The following CACNA1C variants were observed in gnomAD, a reference collection of about 807,000 sequenced individuals.
The protein encoded by CACNA1C is calcium voltage-gated channel subunit alpha1 C, also known as voltage-dependent L-type calcium channel subunit alpha-1C.
In CACNA1C, 30 loss-of-function variants were observed where a neutral mutation model predicts 229.0. The observed-to-expected ratio is 0.13, with a 90% CI of 0.10 to 0.18. The LOEUF (loss-of-function observed/expected upper bound fraction) is 0.18, where lower values mean the gene tolerates loss of function less well. Ranked by LOEUF, CACNA1C falls within the 10% of genes least tolerant of loss-of-function variation. CACNA1C has a pLI of 1.00. For synonymous variants in CACNA1C, 1,114 were observed against 1,132.5 expected (o/e 0.98, Z 0.33); for missense variants, 1,658 against 2,845.0 (o/e 0.58, Z 9.49).
At chr12:2,190,972 T>C (rs1277651264) in intron 3 of CACNA1C, among the ~76,000 whole-genome samples, 1 of 152,192 alleles carries the variant, frequency 6.6e-6, no homozygotes, top group Admixed American at 6.5e-5. Context: ...AGTCATTTCC[T>C]GCAAGTCCCA....
chr12:2,120,692 G>GTGTGTGTGTGTGTGTGTGT (rs764879260), intron 3 of CACNA1C, among the ~76,000 whole-genome samples: 2 of 150,538 alleles, frequency 1.3e-5, no homozygotes, highest in South Asian at 2.1e-4. Flanking sequence ...GTGTGTGTGT[G>GTGTGTGTGTGTGTGTGTGT]TGTGTTTAGT....
At position 2,275,962 on chromosome 12, in the gene CACNA1C, C is replaced by T. The variant is rs1326177737; in HGVS notation, c.477+155532C>T. On this transcript the variant is annotated intron_variant, in intron 3 of 46. Coordinates refer to ENST00000399655, the MANE Select transcript of CACNA1C (RefSeq NM_000719.7). This position sits in a 1 kb window ranked among gnomAD's most constrained non-coding sequence, Gnocchi z 4.1. ...CTGATTCCTGGACCCCTCTCAGATACAAAACCCAAGGATGCCCATGTCCTT... is the reference window on the plus strand; with the variant it reads ...CTGATTCCTGGACCCCTCTCAGATATAAAACCCAAGGATGCCCATGTCCTT... Among the ~76,000 whole-genome samples the T allele has an allele frequency of 1.3e-5, 2 of 152,214 alleles. No individual in the cohort carries two copies. Among genetic ancestry groups the T allele is most frequent in the African/African-American group, 4.8e-5 (2 of 41,460 alleles).
At chr12:2,529,697 C>T (rs1254078196) in intron 9 of CACNA1C, among the ~76,000 whole-genome samples, 1 of 152,236 alleles carries the variant, frequency 6.6e-6, no homozygotes, top group African/African-American at 2.4e-5. Flanking sequence ...CCTTGCCTGT[C>T]AACATTTCTT....
chr12:2,640,396 T>C (rs2093523487), intron 30 of CACNA1C, among the ~76,000 whole-genome samples: 1 of 152,184 alleles, frequency 6.6e-6, no homozygotes, highest in Non-Finnish European at 1.5e-5. Flanking sequence ...GCTGCCTGAC[T>C]TGACTTCTCT....
Position 2,605,345 on chromosome 12 carries a change from A to T in CACNA1C, c.3048+177A>T, listed in dbSNP as rs1156614098. The stretch of plus-strand genomic sequence containing the variant: ...TCCGTAATGAACAGAATAGTAACAG[A>T]GGCAGCCATCCCAAGTGTCTGCCCT... On this transcript the variant is annotated intron_variant, in intron 23 of 46. Coordinates refer to ENST00000399655, the MANE Select transcript of CACNA1C (RefSeq NM_000719.7). This position sits in a 1 kb window ranked among gnomAD's most constrained non-coding sequence, Gnocchi z 6.2. 6.6e-6 allele frequency among the ~76,000 whole-genome samples: 1 copy of T among 152,190 alleles called. No individual in the cohort carries two copies. Among genetic ancestry groups the T allele is most frequent in the Non-Finnish European group, 1.5e-5 (1 of 68,032 alleles).
At chr12:2,510,234 C>G (rs1363107770) in intron 8 of CACNA1C, among the ~76,000 whole-genome samples, 1 of 152,186 alleles carries the variant, frequency 6.6e-6, no homozygotes, top group African/African-American at 2.4e-5. Flanking sequence ...AGCTCAGTCC[C>G]CAGAGCAGGA....
chr12:2,255,329 T>A (rs1224788962), intron 3 of CACNA1C, among the ~76,000 whole-genome samples: 1 of 151,744 alleles, frequency 6.6e-6, no homozygotes, highest in Non-Finnish European at 1.5e-5. Context: ...GTGGGAGTTC[T>A]CAGTACCTGT....
chr12:2,053,681 T>C lies in CACNA1C; in HGVS notation c.49+70T>C. 1 of 1,175,778 alleles carries C rather than the reference T, an allele frequency of 8.5e-7. No homozygotes were observed. Among genetic ancestry groups the C allele is most frequent in the Non-Finnish European group, 1.1e-6 (1 of 894,454 alleles). 72.8% of individuals were successfully genotyped at this position (1,175,778 alleles called of 1,614,324 possible). ...CACCGGGTTCCTGCCCTACCCGCGC[T>C]CCCCGCGGCCCCGGGGCCGGTCCCT... On this transcript the variant is annotated intron_variant, in intron 1 of 46. Coordinates refer to ENST00000399655, the MANE Select transcript of CACNA1C (RefSeq NM_000719.7). This position sits in a 1 kb window ranked among gnomAD's most constrained non-coding sequence, Gnocchi z 5.8.
chr12:2,119,472 T>G (rs1015462805), intron 2 of CACNA1C, among the ~76,000 whole-genome samples: 3 of 152,206 alleles, frequency 2.0e-5, no homozygotes, highest in Admixed American at 2.0e-4. Flanking sequence ...TATTATCACA[T>G]TAGCTCATTT....
intron 3 of CACNA1C, among the ~76,000 whole-genome samples, chr12:2,220,049 C>T (rs1599560445): frequency 6.6e-6 from 1 of 152,204 alleles, no homozygotes. Flanking sequence ...TTCTTTGCAT[C>T]CTGCATCCAG....
intron 1 of CACNA1C, among the ~76,000 whole-genome samples, chr12:1,989,990 C>T (rs111798335): frequency 0.027 from 4,171 of 152,192 alleles, 96 homozygotes; most frequent in Middle Eastern, 0.054. Flanking sequence ...AACCTTGGAG[C>T]GTACTCTAAA....
chr12:2,404,603 C>T (rs11837341), intron 3 of CACNA1C, among the ~76,000 whole-genome samples: 4,468 of 152,232 alleles, frequency 0.029, 211 homozygotes, highest in African/African-American at 0.099. Context: ...CATGGACTCT[C>T]CTCAAGTGCC....
intron 3 of CACNA1C, among the ~76,000 whole-genome samples, chr12:2,302,564 C>T (rs907322662): frequency 3.9e-5 from 6 of 151,992 alleles, no homozygotes; most frequent in African/African-American, 1.2e-4. Context: ...GAGTGTCCTC[C>T]GGGCCCCTCG....
intron 13 of CACNA1C, among the ~76,000 whole-genome samples, chr12:2,578,426 T>C (rs1262855392): frequency 6.6e-6 from 1 of 152,126 alleles, no homozygotes; most frequent in Admixed American, 6.5e-5. Flanking sequence ...TTGGGAGGAC[T>C]CTGGCTTTGA....
At position 2,137,061 on chromosome 12, in the gene CACNA1C, C is replaced by T. The variant is rs1405665233; in HGVS notation, c.477+16631C>T. 7.3e-5 allele frequency among the ~76,000 whole-genome samples: 11 copies of T among 151,368 alleles called. 1 individual carries two copies. The highest frequency in any genetic ancestry group is 6.3e-4 in the South Asian group (3 of 4,760). ...AGAGCATAACATGTGGGGGACCCCA[C>T]GGCGCCCCGCCCAGGTGAGAGCAGT... On this transcript the variant is annotated intron_variant, in intron 3 of 46. Coordinates refer to ENST00000399655, the MANE Select transcript of CACNA1C (RefSeq NM_000719.7).
intron 3 of CACNA1C, among the ~76,000 whole-genome samples, chr12:2,423,015 G>A (rs1463396259): frequency 6.6e-6 from 1 of 152,090 alleles, no homozygotes. Flanking sequence ...TTCGAATCTC[G>A]TCCTCCATCG....
chr12:2,218,410 A>T (rs888851636), intron 3 of CACNA1C, among the ~76,000 whole-genome samples: 2 of 152,180 alleles, frequency 1.3e-5, no homozygotes, highest in African/African-American at 4.8e-5. Context: ...AGGAGTTTGG[A>T]TAGGGTGTGC....
At chr12:2,036,395 C>G (rs918704720) in intron 1 of CACNA1C, among the ~76,000 whole-genome samples, 1 of 152,202 alleles carries the variant, frequency 6.6e-6, no homozygotes. Flanking sequence ...GCCCCAGCCT[C>G]TAGCTCTGGA....
intron 1 of CACNA1C, among the ~76,000 whole-genome samples, chr12:2,041,968 C>G (rs992990363): frequency 6.6e-6 from 1 of 152,152 alleles, no homozygotes. Flanking sequence ...GTTGACATCC[C>G]AAAAGTTTCA....
Sources: allele counts gnomAD v4.1 joint callset (sites outside exome capture counted in the v4.1 genomes callset), GRCh38; gene constraint gnomAD v4.1.1; non-coding constraint Gnocchi (gnomAD v3.1); transcripts MANE v1.5; gene names NCBI Gene and HGNC (gene_info 2026-07-23, HGNC 2026-07-21).